Variants in PTPN2 observed in about 807,000 individuals in gnomAD.
The protein encoded by PTPN2 is protein tyrosine phosphatase non-receptor type 2, also known as tyrosine-protein phosphatase non-receptor type 2.
Under a neutral mutation model 57.3 loss-of-function variants are expected in PTPN2, and 19 were observed. The ratio of observed to expected loss-of-function variants is 0.33; its 90% confidence interval spans 0.23 to 0.49. PTPN2 has a LOEUF of 0.49. Ranked by LOEUF, PTPN2 falls within the 20% of genes least tolerant of loss-of-function variation. The pLI is 0.99. For synonymous variants in PTPN2, 153 were observed against 164.9 expected, an observed-to-expected ratio of 0.93 and a Z score of 0.55; for missense variants, 358 against 501.1, an observed-to-expected ratio of 0.71 and a Z score of 2.73.
chr18:12,836,956 A>G, intron 2 of PTPN2, 65 bp from the exon 3 acceptor site: 1 of 941,250 alleles, frequency 1.1e-6, no homozygotes, highest in Non-Finnish European at 1.7e-6. Flanking sequence ...CTTCATATTA[A>G]TATTCTAGGT....
intron 5 of PTPN2, among the ~76,000 whole-genome samples, chr18:12,820,330 A>T (rs774623480): frequency 2.8e-4 from 42 of 152,282 alleles, no homozygotes; most frequent in Admixed American, 4.6e-4. Context: ...CAGAAACAAG[A>T]TTAAAAAAAC....
chr18:12,811,839 T>C (rs2041900323), intron 7 of PTPN2, among the ~76,000 whole-genome samples: 2 of 152,296 alleles, frequency 1.3e-5, no homozygotes, highest in Admixed American at 1.3e-4. Flanking sequence ...TTCATCTTTC[T>C]TTCTAATTCT....
chr18:12,883,995 C>A, intron 1 of PTPN2, 78 bp downstream of exon 1: 1 of 1,300,898 alleles, frequency 7.7e-7, no homozygotes, highest in East Asian at 2.8e-5. Flanking sequence ...GCGGGGGAGG[C>A]GGGAGGGACC....
At chr18:12,814,387 T>C (rs771614215) in intron 6 of PTPN2, 32 bp from the exon 7 acceptor site, 2 of 1,550,888 alleles carry the variant, frequency 1.3e-6, no homozygotes, top group Admixed American at 2.1e-5. Flanking sequence ...AGACAAGTCT[T>C]GTTATTGGAA....
At chr18:12,844,521 T>A (rs1291059478) in intron 2 of PTPN2, among the ~76,000 whole-genome samples, 1 of 152,248 alleles carries the variant, frequency 6.6e-6, no homozygotes, top group African/African-American at 2.4e-5. Flanking sequence ...ATTTTCCTAA[T>A]GGCTAATGAA....
intron 1 of PTPN2, among the ~76,000 whole-genome samples, chr18:12,868,704 C>A (rs948115062): frequency 6.8e-6 from 1 of 147,966 alleles, no homozygotes; most frequent in Non-Finnish European, 1.5e-5. Context: ...GAGGCTGAGG[C>A]GGGCGGATCA....
intron 1 of PTPN2, among the ~76,000 whole-genome samples, chr18:12,883,082 C>T (rs1308691822): frequency 6.6e-6 from 1 of 152,154 alleles, no homozygotes; most frequent in Non-Finnish European, 1.5e-5. Flanking sequence ...GCTGAACAGG[C>T]ACGATTAGGG....
chr18:12,848,336 C>T (rs959473755), intron 2 of PTPN2, among the ~76,000 whole-genome samples: 1 of 152,186 alleles, frequency 6.6e-6, no homozygotes, highest in Admixed American at 6.5e-5. Flanking sequence ...TTCGTATCAT[C>T]TATAGTGGTG....
intron 3 of PTPN2, among the ~76,000 whole-genome samples, chr18:12,835,430 C>CAGTGGCACTA (rs2145392962): frequency 8.3e-6 from 1 of 121,148 alleles, no homozygotes; most frequent in African/African-American, 3.1e-5. Context: ...GGCTGGAGTG[C>CAGTGGCACTA]AGTGGCACTA....
rs892537614 is a variant in PTPN2 at position 12,820,004 on chromosome 18, C to A, written c.496-2639G>T. On this transcript the variant is annotated intron_variant, in intron 5 of 8. Coordinates refer to ENST00000309660, the MANE Select transcript of PTPN2 (RefSeq NM_002828.4). ...CTGCAGTGCTCTGTGGGCTACGGCC[C>A]AGTACCCCTACGGGGTCCTGCGCAC... 3.3e-5 allele frequency among the ~76,000 whole-genome samples: 5 copies of A among 152,336 alleles called. No individual in the cohort carries two copies. In the East Asian group the frequency reaches 9.6e-4, roughly 29 times the overall value.
At chr18:12,801,652 C>T (rs1412015415) in intron 8 of PTPN2, among the ~76,000 whole-genome samples, 3 of 152,110 alleles carry the variant, frequency 2.0e-5, no homozygotes, top group Non-Finnish European at 4.4e-5. Flanking sequence ...ACTGCAACCT[C>T]GACCTCCCCA....
At chr18:12,875,138 C>T (rs1301766348) in intron 1 of PTPN2, among the ~76,000 whole-genome samples, 1 of 152,050 alleles carries the variant, frequency 6.6e-6, no homozygotes, top group Non-Finnish European at 1.5e-5. Flanking sequence ...TCACCACTCC[C>T]TAATCTCAAG....
At chr18:12,814,604 C>A (rs571818797) in intron 6 of PTPN2, among the ~76,000 whole-genome samples, 1 of 152,262 alleles carries the variant, frequency 6.6e-6, no homozygotes, top group East Asian at 1.9e-4. Flanking sequence ...GATTCCAAAC[C>A]AATCATAGTA....
chr18:12,816,665 G>A (rs919571664), intron 6 of PTPN2, among the ~76,000 whole-genome samples: 3 of 152,166 alleles, frequency 2.0e-5, no homozygotes, highest in South Asian at 2.1e-4. Flanking sequence ...GGAACCTCAG[G>A]GGAGTAACAG....
intron 5 of PTPN2, among the ~76,000 whole-genome samples, chr18:12,818,175 T>C (rs1165172639): frequency 1.3e-5 from 2 of 152,210 alleles, no homozygotes; most frequent in Non-Finnish European, 2.9e-5. Flanking sequence ...ACCAGTATAA[T>C]TTTACATTCT....
chr18:12,875,782 G>A (rs2044467245), intron 1 of PTPN2, among the ~76,000 whole-genome samples: 2 of 152,322 alleles, frequency 1.3e-5, no homozygotes, highest in African/African-American at 2.4e-5. Flanking sequence ...GGGAAGAAGG[G>A]GAGTAGAGAG....
chr18:12,805,261 G>C (rs1225726816), intron 7 of PTPN2, among the ~76,000 whole-genome samples: 1 of 151,914 alleles, frequency 6.6e-6, no homozygotes, highest in East Asian at 1.9e-4. Context: ...GTTTGGGACT[G>C]GTCTGGCCAA....
At chr18:12,863,858 CA>C (rs1304437582) in intron 1 of PTPN2, 1 of 151,836 alleles carries the variant, frequency 6.6e-6, no homozygotes, top group African/African-American at 2.4e-5. Flanking sequence ...GATTTTTGCT[CA>C]AAAAAAGCAA....
At chr18:12,815,304 C>T (rs542481973) in intron 6 of PTPN2, among the ~76,000 whole-genome samples, 20 of 150,396 alleles carry the variant, frequency 1.3e-4, no homozygotes, top group Middle Eastern at 3.5e-3. Context: ...CCCAGCTACT[C>T]GGGAGGCTGA....
Sources: gnomAD v4.1 joint callset for allele counts (sites outside exome capture counted in the v4.1 genomes callset) on GRCh38, gnomAD v4.1.1 for gene constraint, MANE v1.5 for transcripts, NCBI Gene and HGNC (gene_info 2026-07-23, HGNC 2026-07-21) for gene names.